The following OLFM3 variants were observed in gnomAD, a reference collection of about 807,000 sequenced individuals.
OLFM3 encodes the protein noelin-3.
OLFM3 carries 20 observed loss-of-function variants against 48.6 expected under a neutral mutation model. The observed-to-expected ratio is 0.41, with a 90% CI of 0.29 to 0.60. The LOEUF is 0.60. Ranked by LOEUF, OLFM3 falls within the 20% of genes least tolerant of loss-of-function variation. The pLI is 0.28. For synonymous variants in OLFM3, 222 were observed against 198.1 expected, an observed-to-expected ratio of 1.12 and a Z score of -1.01; for missense variants, 437 against 544.3, an observed-to-expected ratio of 0.80 and a Z score of 1.96.
chr1:101,917,432 T>TA (rs1658963609), intron 1 of OLFM3, among the ~76,000 whole-genome samples: 1 of 149,822 alleles, frequency 6.7e-6, no homozygotes, highest in Admixed American at 6.6e-5. Flanking sequence ...ATATATATAT[T>TA]TTGAGACTGA....
At chr1:101,982,348 T>G (rs1313015435) in intron 1 of OLFM3, among the ~76,000 whole-genome samples, 2 of 152,076 alleles carry the variant, frequency 1.3e-5, no homozygotes, top group Non-Finnish European at 2.9e-5. Context: ...AATTTTTGTT[T>G]AGATGATTAA....
At chr1:101,990,154 T>C (rs1189607688) in intron 1 of OLFM3, among the ~76,000 whole-genome samples, 2 of 152,210 alleles carry the variant, frequency 1.3e-5, no homozygotes, top group Non-Finnish European at 2.9e-5. Context: ...CATTTTTTCC[T>C]AAGAAACTTG....
chr1:101,949,821 T>G (rs1660068356), intron 1 of OLFM3, among the ~76,000 whole-genome samples: 1 of 149,920 alleles, frequency 6.7e-6, no homozygotes, highest in African/African-American at 2.5e-5. Context: ...TCCCAGCTAC[T>G]CGGGAGGCTG....
intron 1 of OLFM3, chr1:101,846,933 G>A (rs1193376290): frequency 3.1e-6 from 5 of 1,612,560 alleles, no homozygotes; most frequent in East Asian, 2.2e-5. Context: ...CATTGCCATG[G>A]TACTAAGCAC....
chr1:101,914,927 A>C (rs967807317), intron 1 of OLFM3, among the ~76,000 whole-genome samples: 23 of 152,190 alleles, frequency 1.5e-4, no homozygotes, highest in African/African-American at 5.5e-4. Context: ...TAATGTTTGC[A>C]TTATTCATCA....
At chr1:101,876,755 T>C (rs892911340) in intron 1 of OLFM3, among the ~76,000 whole-genome samples, 4 of 151,992 alleles carry the variant, frequency 2.6e-5, no homozygotes, top group Non-Finnish European at 5.9e-5. Flanking sequence ...CTGAATTCTA[T>C]ATGTTAAAAT....
At chr1:101,905,241 ACCTC>A (rs1272133983) in intron 1 of OLFM3, among the ~76,000 whole-genome samples, 1 of 152,068 alleles carries the variant, frequency 6.6e-6, no homozygotes, top group Non-Finnish European at 1.5e-5. Flanking sequence ...GCAAGAAAAC[ACCTC>A]CCCCAGTTTT....
chr1:101,929,905 ATAAAT>A (rs1208874959), intron 1 of OLFM3, among the ~76,000 whole-genome samples: 1 of 152,102 alleles, frequency 6.6e-6, no homozygotes, highest in African/African-American at 2.4e-5. Flanking sequence ...ATAAACTTAC[ATAAAT>A]TATTTTATAA....
chr1:101,851,354 A>T (rs1656215119), intron 1 of OLFM3, among the ~76,000 whole-genome samples: 1 of 152,136 alleles, frequency 6.6e-6, no homozygotes, highest in African/African-American at 2.4e-5. Context: ...GAGATGACAT[A>T]TTTTGAAAGT....
chr1:101,900,231 T>C lies in OLFM3; in HGVS notation c.70-63206A>G, dbSNP rs958600039. On this transcript the variant is annotated intron_variant, in intron 1 of 5. Coordinates refer to ENST00000370103, the MANE Select transcript of OLFM3 (RefSeq NM_058170.4). ...TCTGTGGTTCAATCATCCAGACAAG[T>C]CCATGAACACAGACTTGAAAAATAT... is the stretch of plus-strand genomic sequence containing the variant. 3.0e-4 allele frequency among the ~76,000 whole-genome samples: 46 copies of C among 152,244 alleles called. 1 individual carries two copies. The highest frequency in any genetic ancestry group is 1.1e-3 in the African/African-American group (45 of 41,546).
At chr1:101,820,124 A>G (rs1182186687) in intron 4 of OLFM3, among the ~76,000 whole-genome samples, 1 of 152,270 alleles carries the variant, frequency 6.6e-6, no homozygotes, top group East Asian at 1.9e-4. Context: ...ATATTAGCCC[A>G]TAGATACTTT....
intron 1 of OLFM3, among the ~76,000 whole-genome samples, chr1:101,936,078 C>T (rs1659606376): frequency 6.6e-6 from 1 of 152,066 alleles, no homozygotes; most frequent in Non-Finnish European, 1.5e-5. Context: ...AGGAGGCCCA[C>T]TCTAACCACT....
chr1:101,937,047 G>A (rs181528455), intron 1 of OLFM3, among the ~76,000 whole-genome samples: 2 of 152,246 alleles, frequency 1.3e-5, no homozygotes, highest in African/African-American at 4.8e-5. Context: ...TTGGGACATA[G>A]GCCCTGACAA....
intron 1 of OLFM3, among the ~76,000 whole-genome samples, chr1:101,975,906 A>T (rs567477202): frequency 7.9e-5 from 12 of 152,280 alleles, no homozygotes; most frequent in Non-Finnish European, 1.3e-4. Flanking sequence ...AAGAAAGAGC[A>T]CGAAAGAAAA....
At chr1:101,921,107 A>C (rs1659079493) in intron 1 of OLFM3, among the ~76,000 whole-genome samples, 1 of 152,078 alleles carries the variant, frequency 6.6e-6, no homozygotes, top group Non-Finnish European at 1.5e-5. Context: ...AAAATGTAAT[A>C]GTTAATAATA....
At chr1:101,847,014 T>C (rs1298824864) in intron 1 of OLFM3, 1 of 1,575,254 alleles carries the variant, frequency 6.3e-7, no homozygotes, top group Non-Finnish European at 8.7e-7. Flanking sequence ...CTGATTAAGA[T>C]CCCGGTGCCG....
rs13376508 is a variant in OLFM3, at chr1:101,981,520, G to A, written c.69+15228C>T. 5.5e-3 allele frequency among the ~76,000 whole-genome samples: 840 copies of A among 152,242 alleles called. 6 individuals carry two copies. The highest frequency in any genetic ancestry group is 0.019 in the African/African-American group (798 of 41,540). On this transcript the variant is annotated intron_variant, in intron 1 of 5. Transcript: ENST00000370103. Reference sequence around the variant, plus strand: ...CAGCAAAACTCCTCAGAATTCTCCAGTTTCATGGGCTTAAATACCGTCTGC... The same window carrying A: ...CAGCAAAACTCCTCAGAATTCTCCAATTTCATGGGCTTAAATACCGTCTGC...
intron 1 of OLFM3, among the ~76,000 whole-genome samples, chr1:101,850,243 T>C (rs992465617): frequency 1.3e-5 from 2 of 152,178 alleles, no homozygotes; most frequent in Admixed American, 6.5e-5. Context: ...TGGAATTTCA[T>C]AGTGGATCAA....
chr1:101,985,961 C>T (rs1661221467), intron 1 of OLFM3, among the ~76,000 whole-genome samples: 1 of 147,708 alleles, frequency 6.8e-6, no homozygotes, highest in Non-Finnish European at 1.5e-5. Context: ...AAATGATGAA[C>T]TACATTTTTT....
Sources: allele counts gnomAD v4.1 joint callset (sites outside exome capture counted in the v4.1 genomes callset), GRCh38; gene constraint gnomAD v4.1.1; transcripts MANE v1.5; gene names NCBI Gene and HGNC (gene_info 2026-07-23, HGNC 2026-07-21).